FREM2: variants seen among roughly 807,000 people sequenced by gnomAD.
The protein encoded by FREM2 is FRAS1-related extracellular matrix protein 2.
Under a neutral mutation model 219.9 loss-of-function variants are expected in FREM2, and 119 were observed. The ratio of observed to expected loss-of-function variants is 0.54; its 90% confidence interval spans 0.47 to 0.63. FREM2 has a LOEUF of 0.63. Ranked by LOEUF, FREM2 falls within the 30% of genes least tolerant of loss-of-function variation. The pLI, the probability that FREM2 is intolerant of heterozygous loss-of-function variation, is 0.00. For missense variants in FREM2, 4,030 were observed against 3,993.6 expected, an observed-to-expected ratio of 1.01 and a Z score of -0.25; for synonymous variants, 1,562 against 1,522.8, an observed-to-expected ratio of 1.03 and a Z score of -0.60.
At chr13:38,711,518 A>T (rs1870768537) in intron 2 of FREM2, among the ~76,000 whole-genome samples, 1 of 152,236 alleles carries the variant, frequency 6.6e-6, no homozygotes, top group Non-Finnish European at 1.5e-5. Flanking sequence ...ATGAGCACAC[A>T]TAGTGAATGT....
At chr13:38,806,381 A>G (rs939536669) in intron 6 of FREM2, among the ~76,000 whole-genome samples, 1 of 151,960 alleles carries the variant, frequency 6.6e-6, no homozygotes, top group African/African-American at 2.4e-5. Context: ...GAACTTGGGA[A>G]GTTTTCTGAT....
intron 2 of FREM2, among the ~76,000 whole-genome samples, chr13:38,738,294 A>G (rs1872080508): frequency 1.3e-5 from 2 of 152,216 alleles, no homozygotes; most frequent in Non-Finnish European, 2.9e-5. Flanking sequence ...GGCTGGGAGC[A>G]GTGGCTCACA....
chr13:38,878,345 G>T (rs1303258470), intron 22 of FREM2, 24 bp downstream of exon 22: 3 of 1,573,850 alleles, frequency 1.9e-6, no homozygotes, highest in East Asian at 2.3e-5. Context: ...CCCAAAAAAT[G>T]AGCTAGATAG....
intron 6 of FREM2, among the ~76,000 whole-genome samples, chr13:38,845,428 T>C (rs1373614209): frequency 6.6e-6 from 1 of 152,236 alleles, no homozygotes; most frequent in South Asian, 2.1e-4. Context: ...CATGTTCTTT[T>C]AGATTCAGTC....
intron 12 of FREM2, 22 bp downstream of exon 12, chr13:38,856,278 T>C (rs767699404): frequency 1.0e-5 from 16 of 1,606,828 alleles, no homozygotes; most frequent in Admixed American, 6.7e-5. Context: ...AATGTGTATG[T>C]AAATTCATGG....
chr13:38,872,697 A>G, intron 16 of FREM2, 45 bp from the exon 17 acceptor site: 2 of 1,548,160 alleles, frequency 1.3e-6, no homozygotes, highest in Non-Finnish European at 1.8e-6. Flanking sequence ...AGGCCCACTT[A>G]GTTAACACTG....
chr13:38,786,390 T>C (rs1276438553), intron 6 of FREM2, among the ~76,000 whole-genome samples: 3 of 152,210 alleles, frequency 2.0e-5, no homozygotes, highest in Non-Finnish European at 2.9e-5. Context: ...TAAATTTATA[T>C]AATACCCTAT....
At chr13:38,868,650 C>T (rs2137929857) in intron 16 of FREM2, among the ~76,000 whole-genome samples, 1 of 152,340 alleles carries the variant, frequency 6.6e-6, no homozygotes, top group African/African-American at 2.4e-5. Context: ...CATCCACACC[C>T]ACTGTTGGTA....
chr13:38,804,486 G>T (rs1331086541), intron 6 of FREM2, among the ~76,000 whole-genome samples: 2 of 151,940 alleles, frequency 1.3e-5, no homozygotes, highest in African/African-American at 4.8e-5. Context: ...ACTAAATACG[G>T]TATGTGGGGG....
At chr13:38,718,054 T>G (rs1428429446) in intron 2 of FREM2, among the ~76,000 whole-genome samples, 1 of 152,184 alleles carries the variant, frequency 6.6e-6, no homozygotes, top group Non-Finnish European at 1.5e-5. Context: ...AACTGTGTCT[T>G]TTTTCATATG....
At position 38,810,758 on chromosome 13, in the gene FREM2, A is replaced by G. The variant is rs112068308; in HGVS notation, c.6019+25950A>G. On this transcript the variant is annotated intron_variant, in intron 6 of 23. Transcript: ENST00000280481. ...GGATTTTTACATCAATATTCATCAG[A>G]GATATTAGCCCATAGTTTTCTTTTT... Among the ~76,000 whole-genome samples, 921 of 152,064 alleles carry G rather than the reference A, an allele frequency of 6.1e-3. 4 individuals carry two copies. Among genetic ancestry groups the G allele is most frequent in the African/African-American group, 0.021 (890 of 41,532 alleles).
At chr13:38,839,081 C>T (rs575690613) in intron 6 of FREM2, among the ~76,000 whole-genome samples, 12 of 152,246 alleles carry the variant, frequency 7.9e-5, no homozygotes, top group Non-Finnish European at 1.3e-4. Context: ...CTGATTTTTC[C>T]TCATCTTCGT....
intron 2 of FREM2, among the ~76,000 whole-genome samples, chr13:38,743,518 G>A (rs1489391402): frequency 2.0e-5 from 3 of 151,930 alleles, no homozygotes; most frequent in African/African-American, 7.2e-5. Context: ...CACAGTAATG[G>A]AAGAAAGAAA....
At chr13:38,862,577 G>A (rs1877801990) in intron 15 of FREM2, among the ~76,000 whole-genome samples, 2 of 152,238 alleles carry the variant, frequency 1.3e-5, no homozygotes, top group African/African-American at 4.8e-5. Flanking sequence ...CAGAAGTGTA[G>A]TTGAGGCTGA....
chr13:38,701,278 A>G (rs976888409), intron 2 of FREM2, among the ~76,000 whole-genome samples: 1 of 152,190 alleles, frequency 6.6e-6, no homozygotes, highest in Non-Finnish European at 1.5e-5. Context: ...TATAAGGTCA[A>G]ACTCTGAAGT....
chr13:38,724,111 C>G (rs1450999869), intron 2 of FREM2, among the ~76,000 whole-genome samples: 1 of 152,124 alleles, frequency 6.6e-6, no homozygotes, highest in Non-Finnish European at 1.5e-5. Context: ...CTAAGAAGGT[C>G]CCTCACATTG....
chr13:38,860,046 G>A (rs1877705640), intron 14 of FREM2, among the ~76,000 whole-genome samples: 3 of 152,110 alleles, frequency 2.0e-5, no homozygotes, highest in Admixed American at 1.3e-4. Context: ...AAAGAATGCG[G>A]GATATTGTGG....
intron 6 of FREM2, among the ~76,000 whole-genome samples, chr13:38,832,347 G>A (rs543451245): frequency 2.6e-5 from 4 of 152,156 alleles, no homozygotes; most frequent in African/African-American, 9.6e-5. Flanking sequence ...TTATTACAGG[G>A]AGAAGTTCAT....
At chr13:38,790,595 G>T (rs896369344) in intron 6 of FREM2, among the ~76,000 whole-genome samples, 1 of 152,054 alleles carries the variant, frequency 6.6e-6, no homozygotes, top group African/African-American at 2.4e-5. Flanking sequence ...ATACTAAATT[G>T]CCATTTGTAC....
Sources: gnomAD v4.1 joint callset for allele counts (sites outside exome capture counted in the v4.1 genomes callset) on GRCh38, gnomAD v4.1.1 for gene constraint, MANE v1.5 for transcripts, NCBI Gene and HGNC (gene_info 2026-07-23, HGNC 2026-07-21) for gene names.